Variants in FHDC1 observed in about 807,000 individuals in gnomAD.
FHDC1 encodes FH2 domain-containing protein 1.
Under a neutral mutation model 52.6 loss-of-function variants are expected in FHDC1, and 25 were observed. The ratio of observed to expected loss-of-function variants is 0.48; its 90% CI spans 0.35 to 0.66. The LOEUF (loss-of-function observed/expected upper bound fraction) is 0.66, where lower values mean the gene tolerates loss of function less well. Ranked by LOEUF, FHDC1 falls within the 30% of genes least tolerant of loss-of-function variation. FHDC1 has a pLI of 0.01. For synonymous variants in FHDC1, 616 were observed against 581.5 expected (o/e 1.06, Z -0.85); for missense variants, 1,459 against 1,452.8 (o/e 1.00, Z -0.07).
chr4:152,957,336 C>T (rs1014704172), intron 4 of FHDC1, among the ~76,000 whole-genome samples: 3 of 152,170 alleles, frequency 2.0e-5, no homozygotes, highest in Non-Finnish European at 4.4e-5. Flanking sequence ...TCAATCATAG[C>T]TATGATTCTT....
intron 11 of FHDC1, among the ~76,000 whole-genome samples, chr4:152,973,224 T>C (rs1357310406): frequency 6.6e-6 from 1 of 152,202 alleles, no homozygotes; most frequent in African/African-American, 2.4e-5. Context: ...AACCGGCCAC[T>C]CACATCCCTT....
rs770702475 is a variant in FHDC1 at position 152,975,148 on chromosome 4, G to A, written c.1857G>A (p.Ala619=). ...CCCCCAACCCACCCTCAGCACAGGC[G>A]CACCAGCTTGCAGCCGCCCAGCCTG... ...EEAPNPPSAQ[A]HQLAAAQPEN... is the part of the protein sequence containing the mutation. The change falls in exon 12 of 12, where the codon GCG becomes GCA. Residue 619 remains alanine, a synonymous_variant. Transcript: ENST00000511601. 1.7e-5 allele frequency: 27 copies of A among 1,612,880 alleles called. No individual in the cohort carries two copies. The highest frequency in any genetic ancestry group is 1.6e-4 in the Middle Eastern group (1 of 6,062).
intron 2 of FHDC1, among the ~76,000 whole-genome samples, chr4:152,947,603 G>T (rs1235517467): frequency 6.6e-6 from 1 of 152,178 alleles, no homozygotes; most frequent in East Asian, 1.9e-4. Flanking sequence ...ATCCTCTAAA[G>T]GAAACAAAAG....
the FHDC1 span, among the ~76,000 whole-genome samples, chr4:152,930,997 A>ACACACACACTCTCT: frequency 8.0e-5 from 9 of 113,146 alleles, no homozygotes; most frequent in African/African-American, 3.0e-4. Flanking sequence ...ACACACACAC[A>ACACACACACTCTCT]CTCTCTCTCT....
At chr4:152,966,758 G>T (rs1740468817) in intron 9 of FHDC1, among the ~76,000 whole-genome samples, 1 of 152,058 alleles carries the variant, frequency 6.6e-6, no homozygotes, top group African/African-American at 2.4e-5. Context: ...TACCATGCCA[G>T]GCCCACATTC....
chr4:152,970,137 G>T (rs1320157507), intron 10 of FHDC1, among the ~76,000 whole-genome samples: 4 of 152,196 alleles, frequency 2.6e-5, no homozygotes, highest in Non-Finnish European at 5.9e-5. Flanking sequence ...GCCATAAGAA[G>T]TGGGGAACTC....
chr4:152,927,060 T>C, the FHDC1 span, among the ~76,000 whole-genome samples: 1 of 152,228 alleles, frequency 6.6e-6, no homozygotes, highest in South Asian at 2.1e-4. Context: ...TGTTTTGAAG[T>C]GAGCTCAGAC....
At chr4:152,960,383 AT>A (rs1740241954) in intron 4 of FHDC1, among the ~76,000 whole-genome samples, 181 bp from the exon 5 acceptor site, 1 of 152,058 alleles carries the variant, frequency 6.6e-6, no homozygotes, top group African/African-American at 2.4e-5. Flanking sequence ...GTGAGTTTGT[AT>A]TTTTCTTTTA....
At position 152,943,145 on chromosome 4, in the gene FHDC1, C is replaced by T; in HGVS notation, c.88C>T (p.Pro30Ser). The T allele has an allele frequency of 6.2e-7, 1 of 1,614,030 alleles. No homozygotes were observed. Among genetic ancestry groups the T allele is most frequent in the Non-Finnish European group, 8.5e-7 (1 of 1,179,978 alleles). ...ACCTGGATTCATGATTGGGCAGACACCTCCTCCAGCACCTCCTCCACCTCC... is the reference window on the plus strand; with the variant it reads ...ACCTGGATTCATGATTGGGCAGACATCTCCTCCAGCACCTCCTCCACCTCC... ...TAPGFMIGQT[P>S]PPAPPPPPPP... Residue 30 changes from proline to serine, a missense_variant, in exon 2 of 12, where the codon CCT becomes TCT. Around this residue, in one of 3 missense-constraint regions of FHDC1, gnomAD observed 513 missense variants for 581.5 expected, o/e 0.88. Coordinates refer to ENST00000511601, the MANE Select transcript of FHDC1 (RefSeq NM_001371116.1).
upstream of FHDC1, chr4:152,936,242 A>G (rs1398451340): frequency 6.6e-6 from 1 of 152,104 alleles, no homozygotes; most frequent in Non-Finnish European, 1.5e-5. Context: ...AGGAGCAGCG[A>G]GGCCGCAGCT....
intron 4 of FHDC1, among the ~76,000 whole-genome samples, chr4:152,957,158 T>C (rs1467260593): frequency 6.6e-6 from 1 of 152,122 alleles, no homozygotes; most frequent in Non-Finnish European, 1.5e-5. Context: ...TGCTAATAAA[T>C]TCGTAAGTGG....
At position 152,964,921 on chromosome 4, in the gene FHDC1, A is replaced by C; in HGVS notation, c.1046A>C (p.Asp349Ala). ...TTGTTCCAGGAAGCCCAAAAGAAAG[A>C]TACCATTCTTCTAAACTTTTCAGAA... ...HFVAQEAQKK[D>A]TILLNFSEKL... The change falls in exon 9 of 12, where the codon GAT (aspartate) becomes GCT (alanine). Residue 349 changes from aspartate (D) to alanine (A), a missense_variant. Coordinates refer to ENST00000511601, the MANE Select transcript of FHDC1 (RefSeq NM_001371116.1). The C allele has an allele frequency of 1.9e-6, 3 of 1,612,462 alleles. No homozygotes were observed. Among genetic ancestry groups the C allele is most frequent in the Non-Finnish European group, 2.5e-6 (3 of 1,179,392 alleles).
rs535579278 is a variant in FHDC1 at position 152,976,602 on chromosome 4, G to A, written c.3311G>A (p.Gly1104Asp). ...APKKRPESAE[G>D]PSANTEAPLK... Reference sequence around the variant, plus strand: ...AAGAAGCGCCCAGAGTCTGCGGAGGGTCCCAGTGCCAACACGGAGGCCCCT... The same window carrying A: ...AAGAAGCGCCCAGAGTCTGCGGAGGATCCCAGTGCCAACACGGAGGCCCCT... The change falls in exon 12 of 12, where the codon GGT becomes GAT. Residue 1104 changes from glycine to aspartate, a missense_variant. By Grantham distance (94) the Gly-to-Asp change is moderately conservative. This residue lies in a region of FHDC1 where 939 missense variants were observed against 854.5 expected (regional missense o/e 1.10). Coordinates refer to ENST00000511601, the MANE Select transcript of FHDC1 (RefSeq NM_001371116.1). The A allele has an allele frequency of 4.3e-6, 7 of 1,611,640 alleles. No individual in the cohort carries two copies. In the South Asian group the frequency reaches 7.7e-5, roughly 18 times the overall value.
At chr4:152,920,675 A>C in the FHDC1 span, among the ~76,000 whole-genome samples, 1 of 152,214 alleles carries the variant, frequency 6.6e-6, no homozygotes, top group African/African-American at 2.4e-5. Flanking sequence ...GTTGAAGGAT[A>C]GAGTTATCAT....
At chr4:152,928,252 C>T in the FHDC1 span, 9 of 689,942 alleles carry the variant, frequency 1.3e-5, no homozygotes, top group Admixed American at 4.2e-5. Flanking sequence ...AATGGTAGAT[C>T]GGACCATTCA....
chr4:152,960,441 A>T, intron 4 of FHDC1, 124 bp from the exon 5 acceptor site: 1 of 882,294 alleles, frequency 1.1e-6, no homozygotes, highest in African/African-American at 1.7e-5. Context: ...TGTCTTTTCT[A>T]AATTAATTTG....
At chr4:152,937,934 G>A (rs1304751607) in intron 1 of FHDC1, among the ~76,000 whole-genome samples, 1 of 152,172 alleles carries the variant, frequency 6.6e-6, no homozygotes, top group Non-Finnish European at 1.5e-5. Flanking sequence ...GATGTAAGGA[G>A]GCTGCGGACA....
chr4:152,935,301 T>C (rs1436149175), upstream of FHDC1, among the ~76,000 whole-genome samples: 1 of 152,172 alleles, frequency 6.6e-6, no homozygotes, highest in Non-Finnish European at 1.5e-5. Context: ...GGAAACGTCT[T>C]GGTCGGTTAT....
At chr4:152,930,289 A>G in the FHDC1 span, among the ~76,000 whole-genome samples, 1 of 152,234 alleles carries the variant, frequency 6.6e-6, no homozygotes, top group African/African-American at 2.4e-5. Context: ...AATCACCACT[A>G]ATTGGATACA....
Sources: gnomAD v4.1 joint callset for allele counts (sites outside exome capture counted in the v4.1 genomes callset) on GRCh38, gnomAD v4.1.1 for gene constraint, gnomAD v4.1.1 regional missense constraint, MANE v1.5 for transcripts, NCBI Gene and HGNC (gene_info 2026-07-23, HGNC 2026-07-21) for gene names.